The following CSF2RA variants were observed in gnomAD, a reference collection of about 807,000 sequenced individuals.
CSF2RA encodes colony stimulating factor 2 receptor subunit alpha.
In CSF2RA, 42 loss-of-function variants were observed where a neutral mutation model predicts 51.6. The observed-to-expected ratio is 0.81, with a 90% CI of 0.64 to 1.05. The LOEUF (loss-of-function observed/expected upper bound fraction) is 1.05, where lower values mean the gene tolerates loss of function less well. Among genes scored for constraint, CSF2RA ranks in the 50% least tolerant of loss-of-function variants. The pLI, the probability that CSF2RA is intolerant of heterozygous loss-of-function variation, is 0.00. For missense variants in CSF2RA, 530 were observed against 501.1 expected, an observed-to-expected ratio of 1.06 and a Z score of -0.55; for synonymous variants, 222 against 193.0, an observed-to-expected ratio of 1.15 and a Z score of -1.24.
At chrX:1,272,879 C>A (rs2088639345) in intron 1 of CSF2RA, among the ~76,000 whole-genome samples, 1 of 146,228 alleles carries the variant, frequency 6.8e-6, no homozygotes, top group Admixed American at 7.1e-5. Flanking sequence ...AGTACAGTGG[C>A]ACAATCTCAG....
the CSF2RA span, among the ~76,000 whole-genome samples, chrX:1,316,059 A>AATAGATAGACAGATAGATAG: frequency 6.7e-6 from 1 of 149,148 alleles, no homozygotes; most frequent in South Asian, 2.1e-4. Context: ...TAGATAGATC[A>AATAGATAGACAGATAGATAG]ATAGATAGAT....
intron 6 of CSF2RA, chrX:1,289,093 C>A (rs1257027988): frequency 4.6e-6 from 3 of 646,488 alleles, no homozygotes; most frequent in African/African-American, 3.6e-5. Context: ...TCCCAGGTAG[C>A]TGGGATTACA....
the CSF2RA span, among the ~76,000 whole-genome samples, chrX:1,316,607 C>T: frequency 2.0e-5 from 3 of 152,194 alleles, no homozygotes; most frequent in Non-Finnish European, 2.9e-5. Context: ...GGGCTTGGCC[C>T]GGGAAGAGCC....
intron 11 of CSF2RA, among the ~76,000 whole-genome samples, chrX:1,304,315 G>A (rs2083319828): frequency 1.0e-5 from 1 of 95,388 alleles, no homozygotes; most frequent in Non-Finnish European, 2.0e-5. Context: ...CAGGAGAATC[G>A]CTTGAACCCG....
intron 2 of CSF2RA, among the ~76,000 whole-genome samples, chrX:1,280,346 C>G (rs1487430827): frequency 1.3e-5 from 2 of 151,854 alleles, no homozygotes; most frequent in East Asian, 2.0e-4. Flanking sequence ...TGGCGGGCGC[C>G]TATAATCCCA....
At chrX:1,317,246 C>CCTTTTT in the CSF2RA span, among the ~76,000 whole-genome samples, 33 of 57,838 alleles carry the variant, frequency 5.7e-4, no homozygotes, top group African/African-American at 2.4e-3. Flanking sequence ...CCACGCTCAG[C>CCTTTTT]TTTTTTTTTT....
intron 3 of CSF2RA, among the ~76,000 whole-genome samples, chrX:1,283,159 CTTCCTTCG>C (rs1279552687): frequency 1.3e-3 from 44 of 34,320 alleles, no homozygotes; most frequent in African/African-American, 3.7e-3. Flanking sequence ...TCCTTCGTTC[CTTCCTTCG>C]TTCCTTCCTT....
downstream of CSF2RA, among the ~76,000 whole-genome samples, chrX:1,313,556 A>T (rs1277123873): frequency 5.9e-4 from 4 of 6,790 alleles, no homozygotes; most frequent in Non-Finnish European, 9.6e-4. Context: ...CTAAAAATAC[A>T]AAAAAAAAAG....
chrX:1,268,952 G>A (rs1358304317), intron 1 of CSF2RA, 73 bp downstream of exon 1: 3 of 450,408 alleles, frequency 6.7e-6, no homozygotes, highest in Non-Finnish European at 1.3e-5. Flanking sequence ...TGCTGTGTCT[G>A]TCGATAGAAA....
the CSF2RA span, among the ~76,000 whole-genome samples, chrX:1,323,243 G>A: frequency 6.7e-6 from 1 of 149,214 alleles, no homozygotes; most frequent in African/African-American, 2.5e-5. Context: ...ACCGGGAGCG[G>A]TGGCTCACGC....
the CSF2RA span, among the ~76,000 whole-genome samples, chrX:1,318,454 C>T: frequency 6.6e-6 from 1 of 151,504 alleles, no homozygotes; most frequent in Non-Finnish European, 1.5e-5. Context: ...TGAGCCACTG[C>T]GCCAGGCCGA....
At chrX:1,301,904 C>A (rs1433748395) in intron 10 of CSF2RA, among the ~76,000 whole-genome samples, 1 of 145,044 alleles carries the variant, frequency 6.9e-6, no homozygotes, top group South Asian at 2.2e-4. Flanking sequence ...CCGTGCCCGG[C>A]CCTCCCTCTT....
At chrX:1,282,019 G>T (rs2090125350) in intron 2 of CSF2RA, 1 of 100,564 alleles carries the variant, frequency 9.9e-6, no homozygotes, top group Non-Finnish European at 1.9e-5. Context: ...CACGGTGAAA[G>T]CCTGTTTCTA....
downstream of CSF2RA, among the ~76,000 whole-genome samples, chrX:1,310,705 G>A (rs1263196899): frequency 6.6e-6 from 1 of 151,522 alleles, no homozygotes; most frequent in East Asian, 1.9e-4. Context: ...TACAGTGCCA[G>A]GCCTCCCTGG....
chrX:1,314,525 ATCCCACTGCACCTGCCCAAT>A (rs1279369961), downstream of CSF2RA, among the ~76,000 whole-genome samples: 7 of 107,626 alleles, frequency 6.5e-5, no homozygotes, highest in African/African-American at 1.9e-4. Context: ...CACCTGCCCA[ATCCCACTGCACCTGCCCAAT>A]CCCACTGCAC....
chrX:1,316,238 G>T, the CSF2RA span, among the ~76,000 whole-genome samples: 8,214 of 59,086 alleles, frequency 0.14, 589 homozygotes, highest in East Asian at 0.53. Context: ...GATGATAGAT[G>T]ACAGATGATA....
intron 8 of CSF2RA, 145 bp from the exon 9 acceptor site, chrX:1,295,282 G>T: frequency 2.1e-6 from 2 of 957,300 alleles, no homozygotes; most frequent in Admixed American, 1.7e-5. Flanking sequence ...GTAGATTCGG[G>T]GTTTGTGGAG....
rs766528148 is a variant in CSF2RA, at chrX:1,303,051, TTTTA to T, written c.947-852_947-849del. 6.4e-4 allele frequency: 148 copies of T among 230,556 alleles called. No individual in the cohort carries two copies. The Middle Eastern group carries it at 8.2e-3, about 13-fold the overall frequency. The allele number at this position is 230,556 out of a possible 1,614,324, so 14.3% of individuals were successfully genotyped here. A position where few individuals can be genotyped will look rare whatever the true frequency, so the allele number is the denominator to read the frequency against. On this transcript the variant is annotated intron_variant, in intron 10 of 12. Coordinates refer to ENST00000381529, the MANE Select transcript of CSF2RA (RefSeq NM_172245.4). Reference sequence around the variant, plus strand: ...GCTTGGCCAATTTTTGTATTTTTATTTTTATTTATTTATTTATTTATTTTGAGAT... The same window carrying T: ...GCTTGGCCAATTTTTGTATTTTTATTTTTATTTATTTATTTATTTTGAGAT...
At chrX:1,300,421 G>C in intron 9 of CSF2RA, 70 bp from the exon 10 acceptor site, 1 of 1,563,014 alleles carries the variant, frequency 6.4e-7, no homozygotes, top group Non-Finnish European at 8.7e-7. Context: ...AAAGACAAAA[G>C]AACGAAAAAA....
Sources: allele counts gnomAD v4.1 joint callset (sites outside exome capture counted in the v4.1 genomes callset), GRCh38; gene constraint gnomAD v4.1.1; transcripts MANE v1.5; gene names NCBI Gene and HGNC (gene_info 2026-07-23, HGNC 2026-07-21).